Variants in DPYD observed in about 807,000 individuals in gnomAD.
The protein encoded by DPYD is dihydropyrimidine dehydrogenase [NADP(+)].
A neutral mutation model predicts 116.2 loss-of-function variants in DPYD; 109 were observed. The ratio of observed to expected loss-of-function variants is 0.94; its 90% CI spans 0.80 to 1.10. The LOEUF is 1.10. Among genes scored for constraint, DPYD ranks in the 50% least tolerant of loss-of-function variants. DPYD has a pLI of 0.00. For synonymous variants in DPYD, 440 were observed against 432.0 expected (o/e 1.02, Z -0.23); for missense variants, 1,302 against 1,254.5 (o/e 1.04, Z -0.57).
intron 3 of DPYD, among the ~76,000 whole-genome samples, chr1:97,774,457 G>A (rs1443177614): frequency 1.3e-5 from 2 of 152,132 alleles, no homozygotes; most frequent in African/African-American, 2.4e-5. Flanking sequence ...AATGTTACTA[G>A]GTAAAATGAG....
intron 8 of DPYD, among the ~76,000 whole-genome samples, chr1:97,654,858 C>T (rs925707039): frequency 1.3e-5 from 2 of 152,180 alleles, no homozygotes; most frequent in East Asian, 1.9e-4. Flanking sequence ...TTCCATGTGG[C>T]TGGGGAGGCC....
At chr1:97,413,073 A>G (rs1173780150) in intron 14 of DPYD, among the ~76,000 whole-genome samples, 2 of 152,240 alleles carry the variant, frequency 1.3e-5, no homozygotes, top group Non-Finnish European at 2.9e-5. Context: ...TCAACTACCA[A>G]GAACAAAGAG....
At chr1:97,527,357 G>A (rs908571463) in intron 12 of DPYD, among the ~76,000 whole-genome samples, 24 of 152,110 alleles carry the variant, frequency 1.6e-4, no homozygotes, top group African/African-American at 5.1e-4. Context: ...GATTACAGGC[G>A]TGAGCCACCA....
chr1:97,718,502 A>G (rs1033432638), intron 5 of DPYD, among the ~76,000 whole-genome samples: 1 of 152,032 alleles, frequency 6.6e-6, no homozygotes, highest in Non-Finnish European at 1.5e-5. Flanking sequence ...TGTCAATATC[A>G]TAATCCAGTA....
intron 13 of DPYD, among the ~76,000 whole-genome samples, chr1:97,497,735 T>C (rs1391820023): frequency 6.6e-6 from 1 of 151,806 alleles, no homozygotes; most frequent in African/African-American, 2.4e-5. Context: ...CTGGTGAGAA[T>C]GTAAATTGGG....
chr1:97,796,737 G>A (rs768069500), intron 3 of DPYD, among the ~76,000 whole-genome samples: 1 of 150,878 alleles, frequency 6.6e-6, no homozygotes, highest in African/African-American at 2.5e-5. Flanking sequence ...TACCACAAAA[G>A]TAATAATTAC....
intron 18 of DPYD, among the ~76,000 whole-genome samples, chr1:97,271,476 T>A (rs1020281215): frequency 6.6e-6 from 1 of 152,106 alleles, no homozygotes; most frequent in Non-Finnish European, 1.5e-5. Flanking sequence ...GCAATACTTA[T>A]CAAAGCCTCA....
chr1:97,628,323 A>C (rs1207845656), intron 8 of DPYD, among the ~76,000 whole-genome samples: 1 of 152,040 alleles, frequency 6.6e-6, no homozygotes, highest in Non-Finnish European at 1.5e-5. Context: ...AAGGCAACTC[A>C]AACTTTGAAT....
At chr1:97,423,409 T>C (rs1325211367) in intron 14 of DPYD, among the ~76,000 whole-genome samples, 1 of 152,040 alleles carries the variant, frequency 6.6e-6, no homozygotes, top group Non-Finnish European at 1.5e-5. Flanking sequence ...GCAACTTCCT[T>C]TGTTCCTTCC....
chr1:97,856,196 AAAC>A (rs1670832828), intron 2 of DPYD: 1 of 152,226 alleles, frequency 6.6e-6, no homozygotes, highest in East Asian at 1.9e-4. Flanking sequence ...ACTAACAGGA[AAAC>A]GCACACAGAA....
intron 8 of DPYD, among the ~76,000 whole-genome samples, chr1:97,599,422 A>G (rs1451118749): frequency 1.3e-5 from 2 of 151,114 alleles, no homozygotes; most frequent in Non-Finnish European, 3.0e-5. Flanking sequence ...GGAAGTAATA[A>G]GAGAAAAAAA....
intron 11 of DPYD, among the ~76,000 whole-genome samples, chr1:97,558,676 GA>G (rs1403108140): frequency 6.6e-6 from 1 of 152,152 alleles, no homozygotes; most frequent in Non-Finnish European, 1.5e-5. Context: ...AAGTTGAATG[GA>G]AACGATGGAT....
chr1:97,698,057 T>C (rs1661400934), intron 6 of DPYD, among the ~76,000 whole-genome samples: 1 of 151,998 alleles, frequency 6.6e-6, no homozygotes. Context: ...AATGATATTC[T>C]AAATCTTTCC....
chr1:97,387,253 CTAAT>C (rs905013197), intron 14 of DPYD, among the ~76,000 whole-genome samples: 2 of 151,976 alleles, frequency 1.3e-5, no homozygotes, highest in African/African-American at 4.8e-5. Flanking sequence ...TCAATGTCAC[CTAAT>C]TGATTAATAA....
At chr1:97,517,453 G>A (rs950124005) in intron 12 of DPYD, among the ~76,000 whole-genome samples, 7 of 151,998 alleles carry the variant, frequency 4.6e-5, no homozygotes, top group Non-Finnish European at 8.8e-5. Flanking sequence ...GCAGTAAACC[G>A]AATATATACG....
intron 20 of DPYD, among the ~76,000 whole-genome samples, chr1:97,153,411 T>C (rs962407208): frequency 2.0e-5 from 3 of 152,078 alleles, no homozygotes; most frequent in African/African-American, 7.2e-5. Context: ...GTCTATCCTA[T>C]TCAACAAATG....
At chr1:97,671,586 T>C (rs1659861584) in intron 8 of DPYD, among the ~76,000 whole-genome samples, 1 of 152,160 alleles carries the variant, frequency 6.6e-6, no homozygotes, top group Non-Finnish European at 1.5e-5. Flanking sequence ...TCTCAAAATT[T>C]CTCAACAAGT....
intron 12 of DPYD, among the ~76,000 whole-genome samples, chr1:97,538,377 A>G (rs543499508): frequency 6.6e-6 from 1 of 152,348 alleles, no homozygotes; most frequent in East Asian, 1.9e-4. Context: ...TTGAACTGCC[A>G]TCAGATGGTA....
chr1:97,148,157 T>C (rs1654764398), intron 20 of DPYD, among the ~76,000 whole-genome samples: 1 of 152,042 alleles, frequency 6.6e-6, no homozygotes, highest in African/African-American at 2.4e-5. Context: ...AACAGCTCTT[T>C]AGTGCCAGAG....
Sources: gnomAD v4.1 joint callset for allele counts (sites outside exome capture counted in the v4.1 genomes callset) on GRCh38, gnomAD v4.1.1 for gene constraint, MANE v1.5 for transcripts, NCBI Gene and HGNC (gene_info 2026-07-23, HGNC 2026-07-21) for gene names.